Variants in NF2 observed in about 807,000 individuals in gnomAD.
The protein encoded by NF2 is merlin.
NF2 carries 8 observed loss-of-function variants against 83.7 expected under a neutral mutation model. That is an observed-to-expected ratio of 0.10 (90% CI 0.06 to 0.17). The LOEUF (loss-of-function observed/expected upper bound fraction) is 0.17, where lower values mean the gene tolerates loss of function less well. Ranked by LOEUF, NF2 falls within the 10% of genes least tolerant of loss-of-function variation. NF2 has a pLI of 1.00. For missense variants in NF2, 533 were observed against 744.4 expected (o/e 0.72, Z 3.31); for synonymous variants, 266 against 269.6 (o/e 0.99, Z 0.13).
chr22:29,667,135 G>A (rs986488533), intron 9 of NF2, among the ~76,000 whole-genome samples: 2 of 152,080 alleles, frequency 1.3e-5, no homozygotes, highest in Non-Finnish European at 2.9e-5. Flanking sequence ...AACAGTAGTG[G>A]GTGAAGTTTG....
intron 1 of NF2, among the ~76,000 whole-genome samples, chr22:29,607,366 G>A (rs2064825349): frequency 6.6e-6 from 1 of 151,882 alleles, no homozygotes; most frequent in Non-Finnish European, 1.5e-5. Flanking sequence ...GTCAAGGAGA[G>A]AATAGAAGAG....
Position 29,673,244 on chromosome 22 carries a change from C to G in NF2, c.1123-25C>G, listed in dbSNP as rs540733695. On this transcript the variant is annotated intron_variant, in intron 11 of 15. Coordinates refer to ENST00000338641, the MANE Select transcript of NF2 (RefSeq NM_000268.4). The stretch of plus-strand genomic sequence containing the variant: ...GGGAGAACAGCACATGATCCCACTT[C>G]AGCTAAGAGCACTGTGCCCTCCAGA... 3 of 1,553,618 alleles carry G rather than the reference C, an allele frequency of 1.9e-6. No homozygotes were observed. The South Asian group carries it at 3.6e-5, about 18-fold the overall frequency.
intron 1 of NF2, among the ~76,000 whole-genome samples, chr22:29,607,553 T>C (rs975681145): frequency 2.0e-5 from 3 of 152,004 alleles, no homozygotes; most frequent in Non-Finnish European, 4.4e-5. Flanking sequence ...GGGGTACCAA[T>C]CCCCAGAGTT....
intron 4 of NF2, among the ~76,000 whole-genome samples, chr22:29,643,831 C>T (rs1431766256): frequency 2.6e-5 from 4 of 152,094 alleles, no homozygotes; most frequent in East Asian, 1.9e-4. Context: ...GGGTGGTGGC[C>T]GGGCAGAGGG....
Position 29,695,380 on chromosome 22 carries a change from C to T in NF2, c.*578C>T, listed in dbSNP as rs531658450. 5.8e-5 allele frequency: 15 copies of T among 259,394 alleles called. No individual in the cohort carries two copies. The highest frequency in any genetic ancestry group is 3.8e-4 in the Admixed American group (8 of 21,134). The allele number at this position is 259,394 out of a possible 1,614,324, so 16.1% of individuals were successfully genotyped here. On this transcript the variant is annotated 3_prime_UTR_variant, in exon 16 of 16. Transcript: ENST00000338641. The surrounding 1 kb of genome is among the most constrained non-coding windows in gnomAD (Gnocchi z 5.4). ...TGGGTCCCCGCCAGGCACCCCGAGGCGGCGCTCTGGCTGGCAGCTGGTGGG... is the reference window on the plus strand; with the variant it reads ...TGGGTCCCCGCCAGGCACCCCGAGGTGGCGCTCTGGCTGGCAGCTGGTGGG...
At position 29,681,524 on chromosome 22, in the gene NF2, AG is replaced by A; in HGVS notation, c.1663del (p.Glu555ArgfsTer44). On this transcript the variant is annotated frameshift_variant, in exon 15 of 16. Coordinates refer to ENST00000338641, the MANE Select transcript of NF2 (RefSeq NM_000268.4). LOFTEE classifies it high-confidence loss of function. Reference sequence around the variant, plus strand: ...AATCGAGGCCTTGAAACTGAAAGAGAGGGAGACAGCTCTGGATATTCTGCAC... The same window carrying A: ...AATCGAGGCCTTGAAACTGAAAGAGAGGAGACAGCTCTGGATATTCTGCAC... The part of the protein sequence containing the change: ...TEIEALKLKE[R>X]ETALDILHNE... 6.2e-7 allele frequency: 1 copy of A among 1,614,206 alleles called. No individual in the cohort carries two copies. The highest frequency in any genetic ancestry group is 8.5e-7 in the Non-Finnish European group (1 of 1,180,032).
At chr22:29,668,312 T>C (rs1373121319) in intron 9 of NF2, 21 bp from the exon 10 acceptor site, 1 of 1,587,664 alleles carries the variant, frequency 6.3e-7, no homozygotes. Context: ...TTAACCTTTT[T>C]GTCTGCTTCT....
intron 1 of NF2, among the ~76,000 whole-genome samples, chr22:29,627,256 T>C (rs536635743): frequency 2.6e-5 from 4 of 152,282 alleles, no homozygotes; most frequent in Non-Finnish European, 5.9e-5. Flanking sequence ...CACTTGATGA[T>C]TATGGAAGCC....
At chr22:29,648,677 C>T (rs117272318) in intron 4 of NF2, among the ~76,000 whole-genome samples, 29 of 152,332 alleles carry the variant, frequency 1.9e-4, no homozygotes, top group Admixed American at 9.1e-4. Context: ...ACCCAGGTGG[C>T]ACAATCTCCA....
intron 7 of NF2, among the ~76,000 whole-genome samples, chr22:29,659,004 T>C (rs2066401055): frequency 6.6e-6 from 1 of 152,212 alleles, no homozygotes; most frequent in African/African-American, 2.4e-5. Flanking sequence ...GTTCCTACAG[T>C]TGTTGTATTA....
At chr22:29,655,718 T>G in intron 6 of NF2, 42 bp downstream of exon 6, 2 of 332,606 alleles carry the variant, frequency 6.0e-6, no homozygotes, top group South Asian at 7.6e-5. Context: ...TTTATGGGCT[T>G]TTTTTTTTTT....
In NF2 at chr22:29,603,983, G is replaced by A. The variant is rs1173451704; in HGVS notation, c.-16G>A. ...AGGCCGTGGGGCGCGAGGGTCCCGG[G>A]CCTGAGCCCCGCGCCATGGCCGGGG... On this transcript the variant is annotated 5_prime_UTR_variant, in exon 1 of 16. Transcript: ENST00000338641. 7 of 1,558,564 alleles carry A rather than the reference G, an allele frequency of 4.5e-6. No individual in the cohort carries two copies. Among genetic ancestry groups the A allele is most frequent in the South Asian group, 2.3e-5 (2 of 85,466 alleles).
chr22:29,662,678 G>T (rs2066512401), intron 8 of NF2, among the ~76,000 whole-genome samples: 1 of 152,224 alleles, frequency 6.6e-6, no homozygotes, highest in African/African-American at 2.4e-5. Flanking sequence ...GGGCTGTGTT[G>T]TCAATATCTC....
At chr22:29,642,901 G>A (rs2065851308) in intron 4 of NF2, among the ~76,000 whole-genome samples, 1 of 151,888 alleles carries the variant, frequency 6.6e-6, no homozygotes, top group South Asian at 2.1e-4. Context: ...GGCCCACCAA[G>A]CCCACTTGAG....
At chr22:29,670,256 C>A (rs529254121) in intron 10 of NF2, among the ~76,000 whole-genome samples, 27 of 152,280 alleles carry the variant, frequency 1.8e-4, no homozygotes, top group Non-Finnish European at 2.6e-4. Context: ...CTTCAGCCCC[C>A]CAAAGTGCTA....
rs139377309 is a variant in NF2, at chr22:29,669,106, G to T, written c.999+660G>T. ...TAGCAGCAGCTGCAGTTGGCTGCCCGCAGGACTTGCAAGCTCAGAAGTGTA... is the reference window on the plus strand; with the variant it reads ...TAGCAGCAGCTGCAGTTGGCTGCCCTCAGGACTTGCAAGCTCAGAAGTGTA... On this transcript the variant is annotated intron_variant, in intron 10 of 15. Transcript: ENST00000338641. Among the ~76,000 whole-genome samples the T allele has an allele frequency of 8.5e-5, 13 of 152,204 alleles. 1 individual carries two copies. The East Asian group carries it at 2.3e-3, about 27-fold the overall frequency.
intron 4 of NF2, among the ~76,000 whole-genome samples, chr22:29,652,407 C>A (rs1279926779): frequency 6.6e-6 from 1 of 152,138 alleles, no homozygotes; most frequent in African/African-American, 2.4e-5. Context: ...CGGGTTCAAG[C>A]GATTCTCCTG....
intron 14 of NF2, 105 bp from the exon 15 acceptor site, chr22:29,681,334 C>CGA: frequency 6.9e-7 from 1 of 1,448,716 alleles, no homozygotes; most frequent in Non-Finnish European, 9.6e-7. Flanking sequence ...AACCCCAGGC[C>CGA]TCAAACCCTA....
At chr22:29,667,336 T>A (rs1434206224) in intron 9 of NF2, among the ~76,000 whole-genome samples, 1 of 151,982 alleles carries the variant, frequency 6.6e-6, no homozygotes, top group Non-Finnish European at 1.5e-5. Context: ...CTGCCCAGGC[T>A]CAGTGATCCT....
Sources: gnomAD v4.1 joint callset for allele counts (sites outside exome capture counted in the v4.1 genomes callset) on GRCh38, gnomAD v4.1.1 for gene constraint, Gnocchi (gnomAD v3.1) non-coding constraint, MANE v1.5 for transcripts, NCBI Gene and HGNC (gene_info 2026-07-23, HGNC 2026-07-21) for gene names.